SEMA6D: variants seen among roughly 807,000 people sequenced by gnomAD.
SEMA6D encodes the protein semaphorin-6D.
A neutral mutation model predicts 106.6 loss-of-function variants in SEMA6D; 35 were observed. The ratio of observed to expected loss-of-function variants is 0.33; its 90% CI spans 0.25 to 0.44. SEMA6D has a LOEUF of 0.44. Ranked by LOEUF, SEMA6D falls within the 20% of genes least tolerant of loss-of-function variation. SEMA6D has a pLI of 1.00. For missense variants in SEMA6D, 1,185 were observed against 1,345.9 expected (o/e 0.88, Z 1.87); for synonymous variants, 499 against 487.7 (o/e 1.02, Z -0.31).
At chr15:47,450,456 G>A (rs1169159904) in intron 2 of SEMA6D, among the ~76,000 whole-genome samples, 1 of 152,060 alleles carries the variant, frequency 6.6e-6, no homozygotes, top group African/African-American at 2.4e-5. Context: ...CTAAAGCAGA[G>A]TTGTGTGTCC....
rs72731737 is a variant in SEMA6D, at chr15:47,190,432, A to G, written c.-239+6014A>G. Among the ~76,000 whole-genome samples, 853 of 152,286 alleles carry G rather than the reference A, an allele frequency of 5.6e-3. 7 individuals carry two copies. The highest frequency in any genetic ancestry group is 8.1e-3 in the Non-Finnish European group (548 of 68,024). On this transcript the variant is annotated intron_variant, in intron 1 of 19. Coordinates refer to the SEMA6D transcript ENST00000558014. ...AATCCTGTATTATTCTCTAATGGCA[A>G]TTGAGGCTTCTTTTATCTTTACTTT...
chr15:47,571,068 TCCCTC>T (rs1280260585), intron 3 of SEMA6D, among the ~76,000 whole-genome samples: 1 of 152,012 alleles, frequency 6.6e-6, no homozygotes, highest in Admixed American at 6.6e-5. Flanking sequence ...TGATCTGAAT[TCCCTC>T]CCCTCCCCAC....
chr15:47,507,234 A>G (rs571250043), intron 3 of SEMA6D, among the ~76,000 whole-genome samples: 1 of 152,350 alleles, frequency 6.6e-6, no homozygotes, highest in East Asian at 1.9e-4. Flanking sequence ...ATGAGAAGAT[A>G]GAAAAATAGA....
chr15:47,210,764 C>CA (rs34743184), intron 1 of SEMA6D, among the ~76,000 whole-genome samples: 34,081 of 61,530 alleles, frequency 0.55, 8,982 homozygotes, highest in East Asian at 0.7. Flanking sequence ...GACTCCGTCT[C>CA]AAAAAAAAAA....
intron 4 of SEMA6D, among the ~76,000 whole-genome samples, chr15:47,705,664 A>T (rs778429441): frequency 1.6e-4 from 25 of 152,098 alleles, no homozygotes; most frequent in Non-Finnish European, 2.9e-5. Context: ...CTTTCCAACC[A>T]GTGTTTTTTC....
intron 3 of SEMA6D, among the ~76,000 whole-genome samples, chr15:47,586,520 A>G (rs531124599): frequency 6.6e-6 from 1 of 152,320 alleles, no homozygotes; most frequent in African/African-American, 2.4e-5. Context: ...AGGAAGACCA[A>G]ATATGGTCCT....
chr15:47,680,982 T>C (rs182370397), intron 4 of SEMA6D, among the ~76,000 whole-genome samples: 1 of 152,300 alleles, frequency 6.6e-6, no homozygotes, highest in Admixed American at 6.5e-5. Context: ...GTCTGAACTG[T>C]TGGGAATGTA....
At chr15:47,253,555 C>T (rs898688505) in intron 1 of SEMA6D, among the ~76,000 whole-genome samples, 1 of 152,122 alleles carries the variant, frequency 6.6e-6, no homozygotes, top group Non-Finnish European at 1.5e-5. Flanking sequence ...AAATAAGGGT[C>T]TAGTTTCCTA....
At chr15:47,560,084 A>C (rs2046032911) in intron 3 of SEMA6D, among the ~76,000 whole-genome samples, 1 of 152,160 alleles carries the variant, frequency 6.6e-6, no homozygotes, top group Non-Finnish European at 1.5e-5. Context: ...ACAAAATAAA[A>C]ACAAAAATAA....
At chr15:47,743,316 T>C (rs201018008) in intron 1 of SEMA6D, among the ~76,000 whole-genome samples, 3 of 152,222 alleles carry the variant, frequency 2.0e-5, no homozygotes, top group East Asian at 3.8e-4. Flanking sequence ...TTACTGGTGA[T>C]CGTGGATGAC....
chr15:47,237,098 G>A (rs577318683), intron 1 of SEMA6D, among the ~76,000 whole-genome samples: 1 of 152,154 alleles, frequency 6.6e-6, no homozygotes, highest in Admixed American at 6.6e-5. Flanking sequence ...AATGGCATTG[G>A]GTAGAATTAG....
intron 4 of SEMA6D, among the ~76,000 whole-genome samples, chr15:47,641,077 G>C (rs1383191108): frequency 2.6e-5 from 4 of 152,174 alleles, no homozygotes; most frequent in Admixed American, 2.0e-4. Context: ...GGAGTGGGAG[G>C]GGGAGGAGTT....
chr15:47,552,819 TATATATATTTTTATATATATATAA>T (rs2045757492), intron 3 of SEMA6D, among the ~76,000 whole-genome samples: 1 of 43,710 alleles, frequency 2.3e-5, no homozygotes, highest in South Asian at 7.6e-4. Context: ...TATATATAAA[TATATATATTTTTATATATATATAA>T]ATATATATAA....
intron 1 of SEMA6D, among the ~76,000 whole-genome samples, chr15:47,344,092 G>T (rs1341133104): frequency 6.6e-6 from 1 of 152,172 alleles, no homozygotes; most frequent in Non-Finnish European, 1.5e-5. Flanking sequence ...ATAGGTGCTG[G>T]AGAGGATGTG....
At chr15:47,331,199 C>T (rs2037328137) in intron 1 of SEMA6D, among the ~76,000 whole-genome samples, 1 of 152,160 alleles carries the variant, frequency 6.6e-6, no homozygotes. Flanking sequence ...TAGTCCAAAC[C>T]TTGGGCAGCC....
intron 1 of SEMA6D, among the ~76,000 whole-genome samples, chr15:47,278,219 A>G (rs944378534): frequency 6.6e-6 from 1 of 152,222 alleles, no homozygotes; most frequent in Non-Finnish European, 1.5e-5. Flanking sequence ...ACTAGTTTAC[A>G]GTCCCACCAA....
intron 4 of SEMA6D, among the ~76,000 whole-genome samples, chr15:47,682,689 A>G (rs1360866010): frequency 6.6e-6 from 1 of 152,218 alleles, no homozygotes; most frequent in Non-Finnish European, 1.5e-5. Flanking sequence ...TAAAAGACCA[A>G]TTAAACTACT....
intron 1 of SEMA6D, among the ~76,000 whole-genome samples, chr15:47,351,168 A>G (rs748208270): frequency 2.6e-5 from 4 of 152,034 alleles, no homozygotes; most frequent in Admixed American, 6.6e-5. Context: ...CCTCATTTCT[A>G]TGTGTTTATA....
At chr15:47,222,462 A>G (rs1450013558) in intron 1 of SEMA6D, among the ~76,000 whole-genome samples, 2 of 152,206 alleles carry the variant, frequency 1.3e-5, no homozygotes, top group Non-Finnish European at 1.5e-5. Context: ...GCCCCTGGAT[A>G]AAATTGTCTC....
Sources: gnomAD v4.1 joint callset for allele counts (sites outside exome capture counted in the v4.1 genomes callset) on GRCh38, gnomAD v4.1.1 for gene constraint, MANE v1.5 for transcripts, NCBI Gene and HGNC (gene_info 2026-07-23, HGNC 2026-07-21) for gene names.